The following LGI3 variants were observed in gnomAD, a reference collection of about 807,000 sequenced individuals.
The protein encoded by LGI3 is leucine-rich repeat LGI family member 3.
Under a neutral mutation model 55.4 loss-of-function variants are expected in LGI3, and 47 were observed. The ratio of observed to expected loss-of-function variants is 0.85; its 90% confidence interval spans 0.67 to 1.08. The LOEUF (loss-of-function observed/expected upper bound fraction) is 1.08, where lower values mean the gene tolerates loss of function less well. Ranked by LOEUF, LGI3 falls within the 50% of genes least tolerant of loss-of-function variation. The pLI is 0.00. For missense variants in LGI3, 664 were observed against 726.3 expected (o/e 0.91, Z 0.99); for synonymous variants, 326 against 315.0 (o/e 1.04, Z -0.37).
At chr8:22,149,387 G>C (rs1827349500) in intron 7 of LGI3, among the ~76,000 whole-genome samples, 1 of 152,188 alleles carries the variant, frequency 6.6e-6, no homozygotes, top group South Asian at 2.1e-4. Flanking sequence ...ATTTCACACA[G>C]AAAGAAACTG....
Position 22,148,610 on chromosome 8 carries a change from G to T in LGI3, c.1197C>A (p.Pro399=). ...GGGTGCGACTCCACTGATAGATGACGGGTGCCTGGGAGCTGCTGGACACAA... is the reference window on the plus strand; with the variant it reads ...GGGTGCGACTCCACTGATAGATGACTGGTGCCTGGGAGCTGCTGGACACAA... ...RLIVSSSSQA[P]VIYQWSRTQK... The change falls in exon 8 of 8, where the codon CCC becomes CCA. Residue 399 remains proline, a synonymous_variant. Transcript: ENST00000306317. This position sits in a 1 kb window ranked among gnomAD's most constrained non-coding sequence, Gnocchi z 7.0. 1 of 1,613,902 alleles carries T rather than the reference G, an allele frequency of 6.2e-7. No individual in the cohort carries two copies. Among genetic ancestry groups the T allele is most frequent in the Admixed American group, 1.7e-5 (1 of 60,030 alleles).
At chr8:22,151,747 G>A in intron 6 of LGI3, 84 bp downstream of exon 6, 1 of 1,563,108 alleles carries the variant, frequency 6.4e-7, no homozygotes, top group Non-Finnish European at 8.7e-7. Flanking sequence ...GCTGGGTGTT[G>A]TGGGGCAGGG....
chr8:22,155,342 T>A (rs1385690723), intron 2 of LGI3, 50 bp downstream of exon 2: 1 of 1,565,562 alleles, frequency 6.4e-7, no homozygotes, highest in South Asian at 1.1e-5. Context: ...ATTTGTCCCC[T>A]GCTACCACCC....
rs769008497 is a variant in LGI3 at position 22,152,023 on chromosome 8, G to C, written c.495-23C>G. ...TCCCTGCATCATGAGGGCAGAGGAG[G>C]GGGGCACAGAGAAAGACATGCTCTC... On this transcript the variant is annotated intron_variant, in intron 5 of 7. Coordinates refer to ENST00000306317, the MANE Select transcript of LGI3 (RefSeq NM_139278.4). The C allele has an allele frequency of 2.0e-5, 32 of 1,564,078 alleles. No individual in the cohort carries two copies. The South Asian group carries it at 3.4e-4, about 17-fold the overall frequency.
intron 1 of LGI3, 164 bp from the exon 2 acceptor site, chr8:22,155,627 T>G (rs968066275): frequency 1.1e-5 from 7 of 637,378 alleles, no homozygotes; most frequent in African/African-American, 1.1e-4. Context: ...TCCTCCCAAA[T>G]TCACTGCCTG....
At position 22,147,747 on chromosome 8, in the gene LGI3, G is replaced by A. The variant is rs1189987747; in HGVS notation, c.*413C>T. On this transcript the variant is annotated 3_prime_UTR_variant, in exon 8 of 8. Transcript: ENST00000306317. ...GGCTGTGGGCTACAGCGGGGAGCAA[G>A]AGCAGGTAAACAATGCCTGGAGCAC... The A allele has an allele frequency of 1.1e-5, 2 of 183,656 alleles. No homozygotes were observed. Among genetic ancestry groups the A allele is most frequent in the South Asian group, 1.2e-4 (1 of 8,388 alleles). 11.4% of individuals were successfully genotyped at this position (183,656 alleles called of 1,614,324 possible). A position where few individuals can be genotyped will look rare whatever the true frequency, so the allele number is the denominator to read the frequency against.
At chr8:22,149,043 G>A in intron 7 of LGI3, 66 bp from the exon 8 acceptor site, 1 of 1,194,742 alleles carries the variant, frequency 8.4e-7, no homozygotes, top group Non-Finnish European at 1.2e-6. Context: ...CAACCCCCTT[G>A]GAGAAGGCCA....
rs60273888 is a variant in LGI3, at chr8:22,149,736, A to T, written c.830-759T>A. ...CCGGCATCTCCACTTTGACATCCCC[A>T]GTTCACCCCTCTTTCCTTCTCACTA... is the stretch of plus-strand genomic sequence containing the variant. On this transcript the variant is annotated intron_variant, in intron 7 of 7. Coordinates refer to ENST00000306317, the MANE Select transcript of LGI3 (RefSeq NM_139278.4). Among the ~76,000 whole-genome samples the T allele has an allele frequency of 3.8e-3, 571 of 151,902 alleles. 20 individuals carry two copies. The East Asian group carries it at 0.068, about 18-fold the overall frequency.
intron 5 of LGI3, among the ~76,000 whole-genome samples, chr8:22,152,793 G>A (rs1380290001): frequency 6.7e-6 from 1 of 150,312 alleles, no homozygotes; most frequent in East Asian, 2.0e-4. Context: ...GCTCAGGCCT[G>A]TAATCTCAGC....
At position 22,148,822 on chromosome 8, in the gene LGI3, GCTTGCGCACGCGCTGCGGGTCAATGT is replaced by G; in HGVS notation, c.959_984del (p.Asp320AlafsTer2). On this transcript the variant is annotated frameshift_variant, in exon 8 of 8. Coordinates refer to ENST00000306317, the MANE Select transcript of LGI3 (RefSeq NM_139278.4). LOFTEE classifies it high-confidence loss of function. This position sits in a 1 kb window ranked among gnomAD's most constrained non-coding sequence, Gnocchi z 7.0. ...ATGCGGAAGGCTTCTAGGTCGTTAG[GCTTGCGCACGCGCTGCGGGTCAATGT>G]CTTGCAGCCTGGTGAAGCGCGTGGT... is the stretch of plus-strand genomic sequence containing the variant. 6.2e-7 allele frequency: 1 copy of G among 1,614,190 alleles called. No individual in the cohort carries two copies.
At chr8:22,156,033 G>A (rs1309795651) in intron 1 of LGI3, among the ~76,000 whole-genome samples, 2 of 152,214 alleles carry the variant, frequency 1.3e-5, no homozygotes, top group Non-Finnish European at 2.9e-5. Flanking sequence ...GGGCCCACAT[G>A]CTCGTGTAAG....
At chr8:22,153,123 C>T (rs1289113334) in intron 5 of LGI3, among the ~76,000 whole-genome samples, 2 of 142,716 alleles carry the variant, frequency 1.4e-5, no homozygotes, top group African/African-American at 2.6e-5. Flanking sequence ...TTGCTCTTGT[C>T]GCCCAGGCTG....
At chr8:22,150,825 C>T (rs1225690871) in intron 7 of LGI3, among the ~76,000 whole-genome samples, 1 of 151,910 alleles carries the variant, frequency 6.6e-6, no homozygotes, top group Non-Finnish European at 1.5e-5. Context: ...AAAATGCAGA[C>T]TGGATCACAC....
rs150255699 is a variant in LGI3 at position 22,148,609 on chromosome 8, C to T, written c.1198G>A (p.Val400Ile). The T allele has an allele frequency of 1.8e-4, 286 of 1,613,870 alleles. 1 individual carries two copies. In the African/African-American group the frequency reaches 2.5e-3, roughly 14 times the overall value. ...LIVSSSSQAP[V>I]IYQWSRTQKQ... ...TGGGTGCGACTCCACTGATAGATGA[C>T]GGGTGCCTGGGAGCTGCTGGACACA... Residue 400 changes from valine (V) to isoleucine (I), a missense_variant, in exon 8 of 8, where the codon GTC becomes ATC. Transcript: ENST00000306317. The surrounding 1 kb of genome is among the most constrained non-coding windows in gnomAD (Gnocchi z 7.0).
intron 2 of LGI3, 153 bp from the exon 3 acceptor site, chr8:22,154,784 C>T: frequency 1.6e-6 from 1 of 629,336 alleles, no homozygotes; most frequent in Non-Finnish European, 2.9e-6. Flanking sequence ...ACCTGGGCAA[C>T]AAGGCCAGGC....
chr8:22,150,391 C>T (rs1394005299), intron 7 of LGI3, among the ~76,000 whole-genome samples: 1 of 123,974 alleles, frequency 8.1e-6, no homozygotes, highest in Non-Finnish European at 1.6e-5. Context: ...TGGAGTCTCG[C>T]TCTGTCACCC....
chr8:22,148,422 A>G lies in LGI3; in HGVS notation c.1385T>C (p.Leu462Pro). Residue 462 changes from leucine to proline, a missense_variant, in exon 8 of 8, where the codon CTG becomes CCG. Physicochemically the swap from Leu to Pro is moderately conservative, Grantham distance 98. Transcript: ENST00000306317. The surrounding 1 kb of genome is among the most constrained non-coding windows in gnomAD (Gnocchi z 7.0). The stretch of plus-strand genomic sequence containing the variant: ...CAGGGCCAGCGAGCCCCGGGAGGGC[A>G]GGGCCTGCACCTCCGAGAAGCGGGT... ...EGTRFSEVQA[L>P]PSRGSLALQP... The G allele has an allele frequency of 6.2e-7, 1 of 1,612,490 alleles. No homozygotes were observed. The highest frequency in any genetic ancestry group is 8.5e-7 in the Non-Finnish European group (1 of 1,179,902).
At position 22,156,752 on chromosome 8, in the gene LGI3, G is replaced by A. The variant is rs1827514737; in HGVS notation, c.-210C>T. On this transcript the variant is annotated 5_prime_UTR_variant, in exon 1 of 8. Transcript: ENST00000306317. ...GCGATCCGGCTCGGGAGAGAAGAGC[G>A]GAGCGCGGAGCTGGAGCCGCAGCCG... is the stretch of plus-strand genomic sequence containing the variant. 5.3e-6 allele frequency: 1 copy of A among 189,748 alleles called. No homozygotes were observed. The highest frequency in any genetic ancestry group is 6.1e-5 in the Admixed American group (1 of 16,352). The allele number at this position is 189,748 out of a possible 1,614,324, so 11.8% of individuals were successfully genotyped here.
chr8:22,152,428 T>C (rs115303562), intron 5 of LGI3, among the ~76,000 whole-genome samples: 5,099 of 152,264 alleles, frequency 0.033, 272 homozygotes, highest in African/African-American at 0.11. Flanking sequence ...GACTTTAATG[T>C]AGAGTCCAAT....
Sources: gnomAD v4.1 joint callset for allele counts (sites outside exome capture counted in the v4.1 genomes callset) on GRCh38, gnomAD v4.1.1 for gene constraint, Gnocchi (gnomAD v3.1) non-coding constraint, MANE v1.5 for transcripts, NCBI Gene and HGNC (gene_info 2026-07-23, HGNC 2026-07-21) for gene names.